TUSC3: variants seen among roughly 807,000 people sequenced by gnomAD.
TUSC3 encodes the protein tumor suppressor candidate 3.
A neutral mutation model predicts 44.8 loss-of-function variants in TUSC3; 45 were observed. That is an observed-to-expected ratio of 1.00 (90% CI 0.79 to 1.29). The LOEUF (loss-of-function observed/expected upper bound fraction) is 1.29. Among genes scored for constraint, TUSC3 ranks in the 50% most tolerant of loss-of-function variants. The probability of loss-of-function intolerance (pLI) is 0.00; values close to 1 mark genes in which losing one functional copy is unlikely to be tolerated. For missense variants in TUSC3, 519 were observed against 437.9 expected (o/e 1.19, Z -1.65); for synonymous variants, 212 against 152.9 (o/e 1.39, Z -2.85).
In TUSC3 at chr8:15,495,566, G is replaced by C. The variant is rs149008983; in HGVS notation, n.189+12083G>C. 2.4e-3 allele frequency among the ~76,000 whole-genome samples: 368 copies of C among 152,178 alleles called. 4 individuals carry two copies. The highest frequency in any genetic ancestry group is 8.3e-3 in the African/African-American group (346 of 41,512). On this transcript the variant is annotated intron_variant and non_coding_transcript_variant, in intron 2 of 5. Coordinates refer to the TUSC3 transcript ENST00000503191. ...GTATTAGTGACTACTCATATTCTTTGTCTAGCAGCCCTTGAAATGTTTGTG... is the reference window on the plus strand; with the variant it reads ...GTATTAGTGACTACTCATATTCTTTCTCTAGCAGCCCTTGAAATGTTTGTG...
intron 1 of TUSC3, among the ~76,000 whole-genome samples, chr8:15,605,846 G>A (rs892864657): frequency 3.9e-5 from 6 of 152,072 alleles, no homozygotes; most frequent in Admixed American, 2.0e-4. Context: ...ACTGTAGTAC[G>A]TTATAGGCTA....
intron 1 of TUSC3, among the ~76,000 whole-genome samples, chr8:15,459,606 T>A (rs1800312993): frequency 6.6e-6 from 1 of 152,090 alleles, no homozygotes; most frequent in South Asian, 2.1e-4. Flanking sequence ...GTAGTCTTTT[T>A]TTCCTCGCCA....
chr8:15,819,064 G>GA, the TUSC3 span, among the ~76,000 whole-genome samples: 48 of 150,060 alleles, frequency 3.2e-4, 1 homozygote, highest in African/African-American at 7.1e-4. Flanking sequence ...GTCTCTACAA[G>GA]AAAAAAAAAA....
rs1171012682 is a variant in TUSC3 at position 15,485,675 on chromosome 8, TGGGAATGAAGAGTAGGAG to T, written n.189+2198_189+2215del. On this transcript the variant is annotated intron_variant and non_coding_transcript_variant, in intron 2 of 5. Coordinates refer to the TUSC3 transcript ENST00000503191. ...CGTCAGTGCAGGGAAGAGTATGTGT[TGGGAATGAAGAGTAGGAG>T]GGGAAAGAAGAGAGCAGACCAAGGA... Among the ~76,000 whole-genome samples, 4 of 152,156 alleles carry T rather than the reference TGGGAATGAAGAGTAGGAG, an allele frequency of 2.6e-5. No individual in the cohort carries two copies. The South Asian group carries it at 8.3e-4, about 32-fold the overall frequency.
At chr8:15,435,377 C>G (rs28690534) in intron 1 of TUSC3, among the ~76,000 whole-genome samples, 1 of 151,976 alleles carries the variant, frequency 6.6e-6, no homozygotes, top group Non-Finnish European at 1.5e-5. Flanking sequence ...AAACTCATTC[C>G]TTATATATTA....
intron 1 of TUSC3, among the ~76,000 whole-genome samples, chr8:15,459,129 A>G (rs995629697): frequency 6.6e-6 from 1 of 152,154 alleles, no homozygotes; most frequent in African/African-American, 2.4e-5. Context: ...TGATTTTTTT[A>G]AAGTCCTGCA....
At chr8:15,702,612 G>A (rs1160869691) in intron 6 of TUSC3, among the ~76,000 whole-genome samples, 1 of 151,906 alleles carries the variant, frequency 6.6e-6, no homozygotes, top group Non-Finnish European at 1.5e-5. Flanking sequence ...CCCTATCCTG[G>A]TTTCTGTTCT....
the TUSC3 span, among the ~76,000 whole-genome samples, chr8:15,829,002 G>A: frequency 6.6e-6 from 1 of 152,238 alleles, no homozygotes; most frequent in East Asian, 1.9e-4. Context: ...AATTCTAGCA[G>A]AGTTCCTGCC....
intron 1 of TUSC3, among the ~76,000 whole-genome samples, chr8:15,554,318 G>A (rs1260107767): frequency 6.6e-6 from 1 of 151,690 alleles, no homozygotes; most frequent in African/African-American, 2.4e-5. Flanking sequence ...TGAAATGCAA[G>A]GAGATGTGTG....
chr8:15,702,037 A>G (rs143072738), intron 6 of TUSC3, among the ~76,000 whole-genome samples: 2 of 152,262 alleles, frequency 1.3e-5, no homozygotes, highest in East Asian at 1.9e-4. Flanking sequence ...TAAGGCCACT[A>G]CCAAGGTAAT....
At chr8:15,432,305 T>C (rs2129117007) in intron 1 of TUSC3, among the ~76,000 whole-genome samples, 1 of 152,342 alleles carries the variant, frequency 6.6e-6, no homozygotes, top group Non-Finnish European at 1.5e-5. Context: ...CTTATTCATC[T>C]GTGTATATTT....
the TUSC3 span, among the ~76,000 whole-genome samples, chr8:15,810,796 G>C: frequency 2.0e-5 from 3 of 152,150 alleles, no homozygotes; most frequent in Admixed American, 6.5e-5. Context: ...GAGAATCTCC[G>C]TTAAGGTCTT....
rs537267736 is a variant in TUSC3 at position 15,517,426 on chromosome 8, A to C, written n.189+33943A>C. 4.0e-5 allele frequency among the ~76,000 whole-genome samples: 6 copies of C among 148,190 alleles called. No individual in the cohort carries two copies. The South Asian group carries it at 6.6e-4, about 16-fold the overall frequency. On this transcript the variant is annotated intron_variant and non_coding_transcript_variant, in intron 2 of 5. Transcript: ENST00000503191. ...TTACAAAGTCAGACATGGAAAATGG[A>C]TATATTTATATACATCTATACACCT...
intron 1 of TUSC3, among the ~76,000 whole-genome samples, chr8:15,569,989 A>G (rs1422540910): frequency 3.3e-5 from 5 of 152,140 alleles, no homozygotes; most frequent in African/African-American, 1.2e-4. Context: ...TTAAAAATAA[A>G]TAGGTTTATT....
At chr8:15,465,065 G>C (rs754773233) in intron 1 of TUSC3, among the ~76,000 whole-genome samples, 1 of 152,122 alleles carries the variant, frequency 6.6e-6, no homozygotes, top group Non-Finnish European at 1.5e-5. Flanking sequence ...GGCCAGGATG[G>C]TCTTGAACTC....
At chr8:15,825,535 T>G in the TUSC3 span, among the ~76,000 whole-genome samples, 1 of 152,042 alleles carries the variant, frequency 6.6e-6, no homozygotes, top group Non-Finnish European at 1.5e-5. Context: ...GAGCTACAAT[T>G]TGTGATGAGA....
At chr8:15,811,893 G>A in the TUSC3 span, among the ~76,000 whole-genome samples, 1 of 150,932 alleles carries the variant, frequency 6.6e-6, no homozygotes, top group East Asian at 1.9e-4. Flanking sequence ...ACTGATTCTT[G>A]CAAGATTAAA....
At chr8:15,812,905 C>G in the TUSC3 span, among the ~76,000 whole-genome samples, 5 of 152,210 alleles carry the variant, frequency 3.3e-5, no homozygotes, top group South Asian at 1.0e-3. Context: ...ACCAGCCTGG[C>G]CAATATGGCG....
rs186331857 is a variant in TUSC3, at chr8:15,445,181, C to G, written n.91+27876C>G. Among the ~76,000 whole-genome samples the G allele has an allele frequency of 4.3e-4, 65 of 152,186 alleles. 1 individual carries two copies. In the South Asian group the frequency reaches 6.4e-3, roughly 15 times the overall value. On this transcript the variant is annotated intron_variant and non_coding_transcript_variant, in intron 1 of 5. Transcript: ENST00000503191. ...TGACCGTGGGTCTGGATGGGATCTC[C>G]TTGGATTAGGGATGACTAAGAATGA...
Sources: gnomAD v4.1 joint callset for allele counts (sites outside exome capture counted in the v4.1 genomes callset) on GRCh38, gnomAD v4.1.1 for gene constraint, MANE v1.5 for transcripts, NCBI Gene and HGNC (gene_info 2026-07-23, HGNC 2026-07-21) for gene names.